Variants in ARRB1 observed in about 807,000 individuals in gnomAD.
ARRB1 encodes arrestin beta 1, also known as beta-arrestin-1.
Under a neutral mutation model 56.8 loss-of-function variants are expected in ARRB1, and 21 were observed. The observed-to-expected ratio is 0.37, with a 90% CI of 0.26 to 0.53. ARRB1 has a LOEUF of 0.53. ARRB1 is among the 20% of genes least tolerant of loss of function. ARRB1 has a pLI of 0.88. For synonymous variants in ARRB1, 210 were observed against 218.6 expected, an observed-to-expected ratio of 0.96 and a Z score of 0.35; for missense variants, 424 against 553.7, an observed-to-expected ratio of 0.77 and a Z score of 2.35.
chr11:75,310,827 T>C (rs1412767911), intron 1 of ARRB1, among the ~76,000 whole-genome samples: 2 of 152,216 alleles, frequency 1.3e-5, no homozygotes, highest in East Asian at 3.8e-4. Flanking sequence ...TGCTCAATTC[T>C]AAGGGCTGGA....
At chr11:75,266,643 G>A (rs1269409062) in intron 15 of ARRB1, among the ~76,000 whole-genome samples, 3 of 152,170 alleles carry the variant, frequency 2.0e-5, no homozygotes, top group Admixed American at 2.0e-4. Flanking sequence ...GAGAGGCCAG[G>A]CCACCAGTAG....
chr11:75,333,085 G>A (rs1013955057), intron 1 of ARRB1, among the ~76,000 whole-genome samples: 1 of 152,182 alleles, frequency 6.6e-6, no homozygotes, highest in Non-Finnish European at 1.5e-5. Context: ...GACCTCCTGA[G>A]GGCTGTGTCA....
At chr11:75,289,718 C>A (rs1822833380) in intron 2 of ARRB1, among the ~76,000 whole-genome samples, 1 of 152,164 alleles carries the variant, frequency 6.6e-6, no homozygotes. Context: ...TTGGCTTGTC[C>A]TCCACTGTCA....
intron 1 of ARRB1, 48 bp downstream of exon 1, chr11:75,351,540 C>G: frequency 6.7e-7 from 1 of 1,497,548 alleles, no homozygotes; most frequent in Non-Finnish European, 8.8e-7. Flanking sequence ...GTGTCCTCGC[C>G]GAGGTCGCCC....
intron 12 of ARRB1, 132 bp downstream of exon 12, chr11:75,272,763 G>C (rs1052224701): frequency 6.5e-6 from 5 of 765,918 alleles, no homozygotes; most frequent in Non-Finnish European, 1.1e-5. Context: ...GAAAAGAAGG[G>C]ACAGGAGGTT....
At chr11:75,322,436 G>A (rs2140496954) in intron 1 of ARRB1, among the ~76,000 whole-genome samples, 1 of 152,318 alleles carries the variant, frequency 6.6e-6, no homozygotes, top group Non-Finnish European at 1.5e-5. Context: ...TACCCAGGAG[G>A]CAGAGGTTGC....
At position 75,265,092 on chromosome 11, in the gene ARRB1, T is replaced by C. The variant is rs564412666; in HGVS notation, c.*1071A>G. 3 of 152,336 alleles carry C rather than the reference T, an allele frequency of 2.0e-5. No individual in the cohort carries two copies. The East Asian group carries it at 5.8e-4, about 29-fold the overall frequency. The allele number at this position is 152,336 out of a possible 1,614,324, so 9.4% of individuals were successfully genotyped here. ...CTTCTGAGATAGGACCCCCTTTGAC[T>C]GTGGCATGGTGGCCTCAGGCACTCT... On this transcript the variant is annotated 3_prime_UTR_variant, in exon 16 of 16. Transcript: ENST00000420843.
In ARRB1 at chr11:75,314,679, C is replaced by A. The variant is rs113021671; in HGVS notation, c.21-24640G>T. Reference sequence around the variant, plus strand: ...GCAGTGGCACCATCACAGCTCACTGCAGCCTTGACCTCCCCAGGCTCAGGT... The same window carrying A: ...GCAGTGGCACCATCACAGCTCACTGAAGCCTTGACCTCCCCAGGCTCAGGT... On this transcript the variant is annotated intron_variant, in intron 1 of 15. Coordinates refer to ENST00000420843, the MANE Select transcript of ARRB1 (RefSeq NM_004041.5). Among the ~76,000 whole-genome samples, 853 of 152,266 alleles carry A rather than the reference C, an allele frequency of 5.6e-3. 6 individuals carry two copies. Among genetic ancestry groups the A allele is most frequent in the African/African-American group, 0.02 (823 of 41,542 alleles).
chr11:75,287,240 A>G, intron 3 of ARRB1, 75 bp downstream of exon 3: 1 of 1,466,074 alleles, frequency 6.8e-7, no homozygotes, highest in Non-Finnish European at 9.2e-7. Context: ...CCCTCTGGAG[A>G]GCTGAGAGCT....
intron 1 of ARRB1, among the ~76,000 whole-genome samples, chr11:75,332,063 A>G (rs1281597028): frequency 6.7e-6 from 1 of 148,798 alleles, no homozygotes; most frequent in Non-Finnish European, 1.5e-5. Flanking sequence ...CCCGCAAGAG[A>G]ACAACCCCCT....
rs1049425100 is a variant in ARRB1, at chr11:75,261,112, G to T, written c.*5051C>A. ...ACGACCCATCCCCACTGAGCACCAG[G>T]TCCCTGTCCAAATCAAACCTTGGCC... On this transcript the variant is annotated 3_prime_UTR_variant, in exon 16 of 16. Coordinates refer to ENST00000420843, the MANE Select transcript of ARRB1 (RefSeq NM_004041.5). The T allele has an allele frequency of 3.3e-5, 5 of 152,282 alleles. No homozygotes were observed. Among genetic ancestry groups the T allele is most frequent in the South Asian group, 2.1e-4 (1 of 4,824 alleles). 9.4% of individuals were successfully genotyped at this position (152,282 alleles called of 1,614,324 possible).
At chr11:75,272,084 T>C (rs1401597633) in intron 12 of ARRB1, among the ~76,000 whole-genome samples, 3 of 152,196 alleles carry the variant, frequency 2.0e-5, no homozygotes, top group Non-Finnish European at 4.4e-5. Flanking sequence ...TGAGGGACTG[T>C]GGGTCCTGAA....
rs539278579 is a variant in ARRB1 at position 75,306,562 on chromosome 11, C to T, written c.21-16523G>A. ...AGATAGAAAGTCTTACCCCATTTTA[C>T]AGATGAGAGCCCAAAGATTCAGTGG... On this transcript the variant is annotated intron_variant, in intron 1 of 15. Transcript: ENST00000420843. The T allele has an allele frequency of 3.1e-6, 4 of 1,270,594 alleles. No homozygotes were observed. The African/African-American group carries it at 6.1e-5, about 19-fold the overall frequency. 78.7% of individuals were successfully genotyped at this position (1,270,594 alleles called of 1,614,324 possible).
intron 1 of ARRB1, among the ~76,000 whole-genome samples, chr11:75,315,071 C>G (rs1408830125): frequency 6.6e-6 from 1 of 152,166 alleles, no homozygotes; most frequent in Non-Finnish European, 1.5e-5. Flanking sequence ...CCACCACCAC[C>G]CCACGCTGCG....
intron 1 of ARRB1, among the ~76,000 whole-genome samples, chr11:75,326,162 G>T (rs1376305371): frequency 6.6e-6 from 1 of 152,174 alleles, no homozygotes; most frequent in Non-Finnish European, 1.5e-5. Context: ...AGGTGATGAA[G>T]AATTTTCATT....
rs1225420249 is a variant in ARRB1 at position 75,260,532 on chromosome 11, T to C, written c.*5631A>G. The stretch of plus-strand genomic sequence containing the variant: ...GAGTTTGTGAGGCACCCACCTCTCA[T>C]ACTCACCACCTCATATGACCACCTA... On this transcript the variant is annotated 3_prime_UTR_variant, in exon 16 of 16. Transcript: ENST00000420843. 6.6e-6 allele frequency: 1 copy of C among 152,252 alleles called. No individual in the cohort carries two copies. Among genetic ancestry groups the C allele is most frequent in the Non-Finnish European group, 1.5e-5 (1 of 68,094 alleles). The allele number at this position is 152,252 out of a possible 1,614,324, so 9.4% of individuals were successfully genotyped here.
At chr11:75,329,654 TC>T (rs1947489648) in intron 1 of ARRB1, among the ~76,000 whole-genome samples, 1 of 152,142 alleles carries the variant, frequency 6.6e-6, no homozygotes, top group Admixed American at 6.5e-5. Context: ...AATGGGACCA[TC>T]CTCAGAGGGT....
intron 1 of ARRB1, among the ~76,000 whole-genome samples, chr11:75,338,395 T>C (rs1331794480): frequency 2.6e-5 from 4 of 152,172 alleles, no homozygotes; most frequent in African/African-American, 7.2e-5. Context: ...GAGCCATGTC[T>C]CTATCACCAT....
At chr11:75,349,485 G>T (rs1281746645) in intron 1 of ARRB1, among the ~76,000 whole-genome samples, 1 of 152,204 alleles carries the variant, frequency 6.6e-6, no homozygotes, top group Non-Finnish European at 1.5e-5. Flanking sequence ...AGCCCATGGT[G>T]TCCACATCTT....
Sources: allele counts gnomAD v4.1 joint callset (sites outside exome capture counted in the v4.1 genomes callset), GRCh38; gene constraint gnomAD v4.1.1; transcripts MANE v1.5; gene names NCBI Gene and HGNC (gene_info 2026-07-23, HGNC 2026-07-21).